MCTS1: variants seen among roughly 807,000 people sequenced by gnomAD.
The protein encoded by MCTS1 is malignant T-cell-amplified sequence 1.
For synonymous variants in MCTS1, 26 were observed against 40.8 expected (o/e 0.64, Z 1.38); for missense variants, 55 against 128.6 (o/e 0.43, Z 2.77).
intron 3 of MCTS1, among the ~76,000 whole-genome samples, chrX:120,606,583 A>G (rs1359355134): frequency 8.9e-6 from 1 of 112,046 alleles, no homozygotes; most frequent in Non-Finnish European, 1.9e-5. Flanking sequence ...CAGGAGTTCG[A>G]GACCAGCCTG....
chrX:120,614,846 C>T lies in MCTS1; in HGVS notation c.*2582C>T, dbSNP rs1166274111. ...GAAAAACAAAGCACACATATACATA[C>T]ATTAGAGAAGTAAAAACTTTTAATA... is the stretch of plus-strand genomic sequence containing the variant. On this transcript the variant is annotated 3_prime_UTR_variant, in exon 6 of 6. Transcript: ENST00000371317. 8.9e-6 allele frequency among the ~76,000 whole-genome samples: 1 copy of T among 112,464 alleles called. No homozygotes were observed. Among genetic ancestry groups the T allele is most frequent in the Non-Finnish European group, 1.9e-5 (1 of 53,304 alleles).
intron 5 of MCTS1, 112 bp downstream of exon 5, chrX:120,611,190 C>A: frequency 1.6e-6 from 1 of 618,220 alleles, no homozygotes; most frequent in Non-Finnish European, 2.6e-6. Flanking sequence ...CACAAATATC[C>A]AAGCACAGAA....
In MCTS1 at chrX:120,619,599, C is replaced by CA. The variant is rs1489010677; in HGVS notation, c.*7335_*7336insA. On this transcript the variant is annotated 3_prime_UTR_variant, in exon 6 of 6. Coordinates refer to ENST00000371317, the MANE Select transcript of MCTS1 (RefSeq NM_014060.3). ...ATCCTGTGTTTTGCAGAAAACTCTC[C>CA]TCTTGTATTTCATAAAATGTTAAAT... Among the ~76,000 whole-genome samples the CA allele has an allele frequency of 1.8e-5, 2 of 110,466 alleles. No homozygotes were observed. The highest frequency in any genetic ancestry group is 6.6e-5 in the African/African-American group (2 of 30,365).
rs1424970396 is a variant in MCTS1 at position 120,620,906 on chromosome X, T to C, written c.*8642T>C. The C allele has an allele frequency of 9.0e-6, 1 of 111,310 alleles. No homozygotes were observed. The highest frequency in any genetic ancestry group is 1.9e-5 in the Non-Finnish European group (1 of 53,125). 9.2% of individuals were successfully genotyped at this position (111,310 alleles called of 1,213,427 possible). ...GTTTTCTCCCATTCATGTTTAGCTA[T>C]TGGGGGGTCTCATACTTCTGGACTT... On this transcript the variant is annotated 3_prime_UTR_variant, in exon 6 of 6. Coordinates refer to ENST00000371317, the MANE Select transcript of MCTS1 (RefSeq NM_014060.3).
rs1272681578 is a variant in MCTS1, at chrX:120,614,747, T to G, written c.*2483T>G. Reference sequence around the variant, plus strand: ...AATATACAAGTCATTTATGTCAGAATCAAACTTTGAACCTTTATTTTTGTT... The same window carrying G: ...AATATACAAGTCATTTATGTCAGAAGCAAACTTTGAACCTTTATTTTTGTT... On this transcript the variant is annotated 3_prime_UTR_variant, in exon 6 of 6. Coordinates refer to ENST00000371317, the MANE Select transcript of MCTS1 (RefSeq NM_014060.3). Among the ~76,000 whole-genome samples the G allele has an allele frequency of 1.8e-5, 2 of 112,273 alleles. No individual in the cohort carries two copies. The highest frequency in any genetic ancestry group is 3.8e-5 in the Non-Finnish European group (2 of 53,284).
chrX:120,606,438 TTCTC>T (rs1334673860), intron 3 of MCTS1, among the ~76,000 whole-genome samples: 1 of 112,651 alleles, frequency 8.9e-6, no homozygotes, highest in Non-Finnish European at 1.9e-5. Flanking sequence ...AAAATGCAGA[TTCTC>T]TCATGCATTC....
intron 1 of MCTS1, chrX:120,604,467 G>A: frequency 1.9e-6 from 1 of 532,331 alleles, no homozygotes; most frequent in Non-Finnish European, 2.9e-6. Flanking sequence ...CACTCCCATT[G>A]TTTTTTCTCC....
chrX:120,604,791 C>T, intron 1 of MCTS1: 2 of 1,130,032 alleles, frequency 1.8e-6, no homozygotes, highest in South Asian at 2.1e-5. Flanking sequence ...ACAAAAATTC[C>T]TTGGGAACCT....
At position 120,614,706 on chromosome X, in the gene MCTS1, T is replaced by G. The variant is rs2147376856; in HGVS notation, c.*2442T>G. ...CACCCTATTTGAGGCCTGTAGCTCC[T>G]TATGTTCTTAAAAAGAATATACAAG... On this transcript the variant is annotated 3_prime_UTR_variant, in exon 6 of 6. Coordinates refer to ENST00000371317, the MANE Select transcript of MCTS1 (RefSeq NM_014060.3). Among the ~76,000 whole-genome samples, 1 of 112,089 alleles carries G rather than the reference T, an allele frequency of 8.9e-6. No individual in the cohort carries two copies. The highest frequency in any genetic ancestry group is 3.2e-5 in the African/African-American group (1 of 30,886).
intron 2 of MCTS1, 95 bp from the exon 3 acceptor site, chrX:120,605,982 CTT>C: frequency 2.1e-6 from 1 of 484,046 alleles, no homozygotes; most frequent in Non-Finnish European, 3.2e-6. Flanking sequence ...TTTTTACTGA[CTT>C]TTTAAGAAAG....
In MCTS1 at chrX:120,613,261, T is replaced by A. The variant is rs894965891; in HGVS notation, c.*997T>A. Reference sequence around the variant, plus strand: ...TATTTTATAGTTGGCCAGGCTGGTCTTGAACTCCTGGCCTCAAGTGATCAG... The same window carrying A: ...TATTTTATAGTTGGCCAGGCTGGTCATGAACTCCTGGCCTCAAGTGATCAG... On this transcript the variant is annotated 3_prime_UTR_variant, in exon 6 of 6. Coordinates refer to ENST00000371317, the MANE Select transcript of MCTS1 (RefSeq NM_014060.3). Among the ~76,000 whole-genome samples the A allele has an allele frequency of 2.7e-5, 3 of 111,199 alleles. No individual in the cohort carries two copies. Among genetic ancestry groups the A allele is most frequent in the African/African-American group, 9.8e-5 (3 of 30,545 alleles).
Position 120,620,318 on chromosome X carries a change from C to T in MCTS1, c.*8054C>T, listed in dbSNP as rs1270601455. On this transcript the variant is annotated 3_prime_UTR_variant, in exon 6 of 6. Transcript: ENST00000371317. ...GCGAAACTCCGTCTCAAAAACCAAC[C>T]AAACAAAAAACAAAAATTAGCTGGG... is the stretch of plus-strand genomic sequence containing the variant. 9.5e-6 allele frequency among the ~76,000 whole-genome samples: 1 copy of T among 105,359 alleles called. No homozygotes were observed. Among genetic ancestry groups the T allele is most frequent in the Non-Finnish European group, 1.9e-5 (1 of 51,347 alleles). 91.5% of individuals were successfully genotyped at this position (105,359 alleles called of 115,157 possible). A position where few individuals can be genotyped will look rare whatever the true frequency, so the allele number is the denominator to read the frequency against.
intron 3 of MCTS1, 62 bp from the exon 4 acceptor site, chrX:120,608,163 T>C: frequency 2.2e-6 from 2 of 914,803 alleles, no homozygotes; most frequent in Non-Finnish European, 3.0e-6. Context: ...GTTCAGATCC[T>C]TTGCCTTTTT....
At chrX:120,608,515 A>G (rs982103718) in intron 4 of MCTS1, 157 bp downstream of exon 4, 2 of 590,098 alleles carry the variant, frequency 3.4e-6, no homozygotes, top group Admixed American at 9.0e-5. Flanking sequence ...AAGTTGTACA[A>G]AGTAATTTTA....
In MCTS1 at chrX:120,604,105, T is replaced by G. The variant is rs1926462755; in HGVS notation, c.-132T>G. 1.2e-6 allele frequency: 1 copy of G among 828,221 alleles called. No individual in the cohort carries two copies. The highest frequency in any genetic ancestry group is 1.7e-6 in the Non-Finnish European group (1 of 577,782). The allele number at this position is 828,221 out of a possible 1,213,427, so 68.3% of individuals were successfully genotyped here. On this transcript the variant is annotated 5_prime_UTR_variant, in exon 1 of 6. Coordinates refer to ENST00000371317, the MANE Select transcript of MCTS1 (RefSeq NM_014060.3). ...CGTAAAGCGCGGCTGGCTCTCGTTT[T>G]CCGGATAACGACTACAGCTCCGACT...
At position 120,604,204 on chromosome X, in the gene MCTS1, C is replaced by T; in HGVS notation, c.-33C>T. On this transcript the variant is annotated 5_prime_UTR_variant, in exon 1 of 6. Coordinates refer to ENST00000371317, the MANE Select transcript of MCTS1 (RefSeq NM_014060.3). ...ATTCAATTTCTTTCCCATTCCGGGCCCTTCCCTATCGTCGCCCCCTTCACC... is the reference window on the plus strand; with the variant it reads ...ATTCAATTTCTTTCCCATTCCGGGCTCTTCCCTATCGTCGCCCCCTTCACC... 8.3e-7 allele frequency: 1 copy of T among 1,207,409 alleles called. No homozygotes were observed. The highest frequency in any genetic ancestry group is 1.1e-6 in the Non-Finnish European group (1 of 892,933).
In MCTS1 at chrX:120,615,783, T is replaced by TG. The variant is rs777910648; in HGVS notation, c.*3520dup. On this transcript the variant is annotated 3_prime_UTR_variant, in exon 6 of 6. Coordinates refer to ENST00000371317, the MANE Select transcript of MCTS1 (RefSeq NM_014060.3). ...CTGTTATGGTGGTTTGGTAGTGGTC[T>TG]GTTGGGAAGCTGCATTTTTCCTTTT... is the stretch of plus-strand genomic sequence containing the variant. Among the ~76,000 whole-genome samples the TG allele has an allele frequency of 9.0e-6, 1 of 111,688 alleles. No homozygotes were observed. Among genetic ancestry groups the TG allele is most frequent in the South Asian group, 3.7e-4 (1 of 2,668 alleles).
rs891767890 is a variant in MCTS1, at chrX:120,612,373, C to T, written c.*109C>T. 7.3e-5 allele frequency: 38 copies of T among 523,392 alleles called. No individual in the cohort carries two copies. The African/African-American group carries it at 8.0e-4, about 11-fold the overall frequency. 43.1% of individuals were successfully genotyped at this position (523,392 alleles called of 1,213,427 possible). A position where few individuals can be genotyped will look rare whatever the true frequency, so the allele number is the denominator to read the frequency against. On this transcript the variant is annotated 3_prime_UTR_variant, in exon 6 of 6. Transcript: ENST00000371317. ...TGCCTGTGGTTATGCTGAATAAATT[C>T]ACCAGATGCTAAAATTCTGTTAGCT...
chrX:120,609,077 C>A (rs770311146), intron 4 of MCTS1, among the ~76,000 whole-genome samples: 1 of 111,771 alleles, frequency 8.9e-6, no homozygotes, highest in African/African-American at 3.2e-5. Context: ...CTATTCTGGA[C>A]AGGAGAACAT....
Sources: gnomAD v4.1 joint callset for allele counts (sites outside exome capture counted in the v4.1 genomes callset) on GRCh38, gnomAD v4.1.1 for gene constraint, MANE v1.5 for transcripts, NCBI Gene and HGNC (gene_info 2026-07-23, HGNC 2026-07-21) for gene names.